The following NBAS variants were observed in gnomAD, a reference collection of about 807,000 sequenced individuals.
NBAS encodes the protein NAG/BC035112 fusion.
NBAS carries 219 observed loss-of-function variants against 302.5 expected under a neutral mutation model. The ratio of observed to expected loss-of-function variants is 0.72; its 90% confidence interval spans 0.65 to 0.81. The LOEUF (loss-of-function observed/expected upper bound fraction) is 0.81, where lower values mean the gene tolerates loss of function less well. Among genes scored for constraint, NBAS ranks in the 30% least tolerant of loss-of-function variants. The probability of loss-of-function intolerance (pLI) is 0.00; values close to 1 mark genes in which losing one functional copy is unlikely to be tolerated. For synonymous variants in NBAS, 1,118 were observed against 1,021.6 expected, an observed-to-expected ratio of 1.09 and a Z score of -1.80; for missense variants, 2,932 against 2,841.6, an observed-to-expected ratio of 1.03 and a Z score of -0.72.
At chr2:14,862,466 C>T in the NBAS span, among the ~76,000 whole-genome samples, 1 of 152,048 alleles carries the variant, frequency 6.6e-6, no homozygotes, top group Non-Finnish European at 1.5e-5. Context: ...GGTGGGTTAG[C>T]ATAATTTCTA....
the NBAS span, among the ~76,000 whole-genome samples, chr2:15,069,441 C>T: frequency 1.2e-4 from 19 of 152,130 alleles, no homozygotes; most frequent in Admixed American, 1.2e-3. Context: ...TTCCAAGACT[C>T]CTAAGTCATG....
At chr2:15,455,040 T>C (rs1382226313) in intron 21 of NBAS, among the ~76,000 whole-genome samples, 2 of 152,004 alleles carry the variant, frequency 1.3e-5, no homozygotes, top group African/African-American at 2.4e-5. Flanking sequence ...GTAGCTGGGA[T>C]TACAGGTGTG....
At chr2:15,539,657 C>T (rs1385773410) in intron 6 of NBAS, among the ~76,000 whole-genome samples, 1 of 152,104 alleles carries the variant, frequency 6.6e-6, no homozygotes, top group Non-Finnish European at 1.5e-5. Flanking sequence ...TAATACACCT[C>T]AAAATATCTG....
the NBAS span, among the ~76,000 whole-genome samples, chr2:14,962,224 T>C: frequency 6.6e-6 from 1 of 152,178 alleles, no homozygotes; most frequent in Non-Finnish European, 1.5e-5. Context: ...CTGGAGCATA[T>C]GTAGGCACAT....
rs777686582 is a variant in NBAS at position 15,396,396 on chromosome 2, A to T, written c.3134+17T>A. ...TTAATAAGCATGGAGAAAAAAAAAA[A>T]CTGTCATTTTTCTCACCTGAGAATT... On this transcript the variant is annotated intron_variant, in intron 27 of 51. Coordinates refer to ENST00000281513, the MANE Select transcript of NBAS (RefSeq NM_015909.4). The T allele has an allele frequency of 1.3e-6, 2 of 1,598,886 alleles. No homozygotes were observed.
chr2:15,008,298 C>A, the NBAS span, among the ~76,000 whole-genome samples: 3 of 152,236 alleles, frequency 2.0e-5, no homozygotes, highest in African/African-American at 7.2e-5. Context: ...ACAGAGTACA[C>A]CACTCTTGTG....
At chr2:14,825,683 T>C in the NBAS span, among the ~76,000 whole-genome samples, 1 of 152,152 alleles carries the variant, frequency 6.6e-6, no homozygotes, top group African/African-American at 2.4e-5. Flanking sequence ...CAACTTATAA[T>C]ATACCTTGCA....
intron 40 of NBAS, among the ~76,000 whole-genome samples, chr2:15,293,682 G>A (rs554389905): frequency 1.2e-4 from 18 of 151,946 alleles, no homozygotes; most frequent in Middle Eastern, 3.4e-3. Flanking sequence ...TTGGTTCTCA[G>A]AAACACACAG....
At chr2:15,126,862 A>T in the NBAS span, among the ~76,000 whole-genome samples, 2 of 152,192 alleles carry the variant, frequency 1.3e-5, no homozygotes, top group Non-Finnish European at 2.9e-5. Context: ...ATATCACCAT[A>T]GGACTGATAT....
At chr2:15,092,349 A>G in the NBAS span, among the ~76,000 whole-genome samples, 1 of 152,202 alleles carries the variant, frequency 6.6e-6, no homozygotes, top group Non-Finnish European at 1.5e-5. Flanking sequence ...GCCCAGCATG[A>G]TAAATTATGC....
the NBAS span, among the ~76,000 whole-genome samples, chr2:15,133,523 C>T: frequency 2.0e-5 from 3 of 152,048 alleles, no homozygotes; most frequent in South Asian, 6.2e-4. Context: ...CTTGGCTGGA[C>T]CACAGCATAT....
intron 38 of NBAS, among the ~76,000 whole-genome samples, chr2:15,316,392 A>G (rs886444655): frequency 2.6e-5 from 4 of 152,230 alleles, no homozygotes; most frequent in African/African-American, 9.6e-5. Context: ...TGCAGCCCAC[A>G]GAGGGCGAGA....
At chr2:14,790,416 C>G in the NBAS span, among the ~76,000 whole-genome samples, 1 of 152,158 alleles carries the variant, frequency 6.6e-6, no homozygotes, top group Admixed American at 6.5e-5. Context: ...ATGGATTCCT[C>G]TCATACCAGT....
In NBAS at chr2:15,497,223, T is replaced by C. The variant is rs147358711; in HGVS notation, c.954+6922A>G. Among the ~76,000 whole-genome samples, 11 of 152,280 alleles carry C rather than the reference T, an allele frequency of 7.2e-5. 1 individual carries two copies. The South Asian group carries it at 1.5e-3, about 20-fold the overall frequency. On this transcript the variant is annotated intron_variant, in intron 11 of 51. Coordinates refer to ENST00000281513, the MANE Select transcript of NBAS (RefSeq NM_015909.4). ...CATTTGATTCTGTCATCATTCTTAGTTCAACAGAAAGCCACTGACGGCTTT... is the reference window on the plus strand; with the variant it reads ...CATTTGATTCTGTCATCATTCTTAGCTCAACAGAAAGCCACTGACGGCTTT...
intron 26 of NBAS, among the ~76,000 whole-genome samples, chr2:15,399,356 C>T (rs1016822954): frequency 5.9e-5 from 9 of 152,074 alleles, no homozygotes; most frequent in Non-Finnish European, 1.2e-4. Context: ...CTCTTGTCAC[C>T]CTCCAGGGAA....
chr2:14,925,743 A>C, the NBAS span, among the ~76,000 whole-genome samples: 2 of 152,204 alleles, frequency 1.3e-5, no homozygotes, highest in African/African-American at 4.8e-5. Context: ...TCACATGGCT[A>C]GATGTATATG....
chr2:15,420,220 A>G (rs918010392), intron 23 of NBAS, among the ~76,000 whole-genome samples: 1 of 152,218 alleles, frequency 6.6e-6, no homozygotes, highest in Non-Finnish European at 1.5e-5. Context: ...CACCTTAAAA[A>G]TATCACAGAA....
intron 47 of NBAS, among the ~76,000 whole-genome samples, chr2:15,224,298 A>G (rs1667070454): frequency 6.6e-6 from 1 of 152,242 alleles, no homozygotes; most frequent in African/African-American, 2.4e-5. Flanking sequence ...AAGAATATAA[A>G]TAAGCGAATC....
intron 5 of NBAS, 57 bp downstream of exon 5, chr2:15,553,369 T>C (rs1019371353): frequency 1.4e-6 from 2 of 1,448,492 alleles, no homozygotes; most frequent in Non-Finnish European, 1.9e-6. Flanking sequence ...TTTCCATTTA[T>C]AGAGTAACAA....
Sources: allele counts gnomAD v4.1 joint callset (sites outside exome capture counted in the v4.1 genomes callset), GRCh38; gene constraint gnomAD v4.1.1; transcripts MANE v1.5; gene names NCBI Gene and HGNC (gene_info 2026-07-23, HGNC 2026-07-21).